HIVEP2: variants seen among roughly 807,000 people sequenced by gnomAD.
HIVEP2 encodes the protein transcription factor HIVEP2.
Under a neutral mutation model 180.7 loss-of-function variants are expected in HIVEP2, and 14 were observed. The observed-to-expected ratio is 0.08, with a 90% CI of 0.05 to 0.12. The LOEUF (loss-of-function observed/expected upper bound fraction) is 0.12, where lower values mean the gene tolerates loss of function less well. Among genes scored for constraint, HIVEP2 ranks in the 10% least tolerant of loss-of-function variants. HIVEP2 has a pLI of 1.00. For synonymous variants in HIVEP2, 1,184 were observed against 1,136.4 expected (o/e 1.04, Z -0.84); for missense variants, 2,579 against 3,008.5 (o/e 0.86, Z 3.34).
chr6:142,764,150 A>T (rs937899175), intron 7 of HIVEP2, among the ~76,000 whole-genome samples: 1 of 152,202 alleles, frequency 6.6e-6, no homozygotes, highest in Admixed American at 6.5e-5. Context: ...AAAAATAAAA[A>T]TATAACCGAA....
Position 142,806,873 on chromosome 6 carries a change from A to G in HIVEP2, c.-527-23258T>C, listed in dbSNP as rs145890782. Among the ~76,000 whole-genome samples, 216 of 152,140 alleles carry G rather than the reference A, an allele frequency of 1.4e-3. 1 individual carries two copies. In the Middle Eastern group the frequency reaches 0.034, roughly 24 times the overall value. ...AGATGAGGCTTCTAGTGGTTAAGTA[A>G]CTGTCCAGGATCCACGGTCCCTCTG... On this transcript the variant is annotated intron_variant, in intron 2 of 9. Transcript: ENST00000367603.
chr6:142,764,121 A>G (rs1317911342), intron 7 of HIVEP2, among the ~76,000 whole-genome samples: 2 of 152,198 alleles, frequency 1.3e-5, no homozygotes, highest in Admixed American at 6.5e-5. Context: ...AGACTTATGA[A>G]CATTTTCATA....
chr6:142,858,465 A>G (rs1055147876), intron 1 of HIVEP2, among the ~76,000 whole-genome samples: 6 of 152,188 alleles, frequency 3.9e-5, no homozygotes, highest in Admixed American at 2.6e-4. Context: ...CCAGTATCCT[A>G]AACAGTGCCT....
At chr6:142,852,914 T>A (rs761599830) in intron 1 of HIVEP2, among the ~76,000 whole-genome samples, 1 of 152,242 alleles carries the variant, frequency 6.6e-6, no homozygotes, top group Non-Finnish European at 1.5e-5. Context: ...AAATTTGATA[T>A]AAATATTTGT....
chr6:142,798,305 G>A (rs1252675232), intron 2 of HIVEP2, among the ~76,000 whole-genome samples: 3 of 151,900 alleles, frequency 2.0e-5, no homozygotes, highest in African/African-American at 2.4e-5. Flanking sequence ...AAAAGAAACC[G>A]GCTCCTCAAG....
At chr6:142,775,154 G>T in intron 4 of HIVEP2, 29 bp from the exon 5 acceptor site, 10 of 748,914 alleles carry the variant, frequency 1.3e-5, no homozygotes, top group Non-Finnish European at 1.4e-5. Context: ...CAAAGAGATT[G>T]TCATAACAGT....
Position 142,772,866 on chromosome 6 carries a change from C to T in HIVEP2, c.1873G>A (p.Glu625Lys). 1 of 1,614,186 alleles carries T rather than the reference C, an allele frequency of 6.2e-7. No individual in the cohort carries two copies. The highest frequency in any genetic ancestry group is 8.5e-7 in the Non-Finnish European group (1 of 1,180,040). ...CTGTCCCCAGGAGACAATTTCTTTT[C>T]CTTCAGGGATGAACTGCTGATACCC... Reference protein sequence around the residue: ...LKGISSSSLKEKKLSPGDRVG... With the variant: ...LKGISSSSLKKKKLSPGDRVG... Residue 625 changes from glutamate to lysine, a missense_variant, in exon 5 of 10, where the codon GAA (glutamate) becomes AAA (lysine). Glu to Lys is a moderately conservative substitution (Grantham distance 56, BLOSUM62 1). This residue lies in a region of HIVEP2 where 524 missense variants were observed against 563.6 expected (regional missense o/e 0.93). Transcript: ENST00000367603. This position sits in a 1 kb window ranked among gnomAD's most constrained non-coding sequence, Gnocchi z 4.9.
intron 3 of HIVEP2, among the ~76,000 whole-genome samples, chr6:142,779,061 T>C (rs1052098121): frequency 5.3e-5 from 8 of 152,194 alleles, no homozygotes; most frequent in Admixed American, 5.2e-4. Context: ...TAATAAAGTC[T>C]CATGCCAGAC....
chr6:142,813,793 T>A lies in HIVEP2; in HGVS notation c.-528+23142A>T, dbSNP rs1331550804. Among the ~76,000 whole-genome samples, 3 of 151,890 alleles carry A rather than the reference T, an allele frequency of 2.0e-5. No homozygotes were observed. The South Asian group carries it at 6.2e-4, about 32-fold the overall frequency. On this transcript the variant is annotated intron_variant, in intron 2 of 9. Transcript: ENST00000367603. ...TATTGCCCGGGCTGGTCTCGACTCC[T>A]GGACTCAAAGGATCCTTCTGCCTCA...
At chr6:142,852,566 T>C (rs1348968160) in intron 1 of HIVEP2, among the ~76,000 whole-genome samples, 1 of 152,174 alleles carries the variant, frequency 6.6e-6, no homozygotes, top group Non-Finnish European at 1.5e-5. Flanking sequence ...ATCCCTCCTA[T>C]CATGACCTGA....
intron 1 of HIVEP2, among the ~76,000 whole-genome samples, chr6:142,897,908 G>T (rs1777039006): frequency 6.6e-6 from 1 of 152,122 alleles, no homozygotes; most frequent in African/African-American, 2.4e-5. Flanking sequence ...AGATCCTGAG[G>T]CCAGGGACTA....
intron 6 of HIVEP2, among the ~76,000 whole-genome samples, chr6:142,767,537 T>A (rs1198300864): frequency 6.6e-6 from 1 of 152,220 alleles, no homozygotes; most frequent in Non-Finnish European, 1.5e-5. Flanking sequence ...CATGAAGATA[T>A]GTAAATAATA....
At chr6:142,761,388 T>C in intron 8 of HIVEP2, 76 bp downstream of exon 8, 1 of 707,126 alleles carries the variant, frequency 1.4e-6, no homozygotes, top group African/African-American at 1.8e-5. Flanking sequence ...ATATCTAAAC[T>C]TATTTTACTA....
At chr6:142,780,519 A>G (rs1775830789) in intron 3 of HIVEP2, among the ~76,000 whole-genome samples, 1 of 152,202 alleles carries the variant, frequency 6.6e-6, no homozygotes, top group South Asian at 2.1e-4. Flanking sequence ...AGTTTCTGAG[A>G]CATATAAAGA....
chr6:142,754,973 C>A (rs997986600), intron 9 of HIVEP2, among the ~76,000 whole-genome samples: 4 of 152,136 alleles, frequency 2.6e-5, no homozygotes, highest in African/African-American at 9.7e-5. Flanking sequence ...AAAAGGACTT[C>A]ATTTATTTTT....
At chr6:142,777,037 G>C (rs1412758003) in intron 3 of HIVEP2, among the ~76,000 whole-genome samples, 11 of 152,136 alleles carry the variant, frequency 7.2e-5, no homozygotes. Context: ...GAGGTACCCA[G>C]AGGATTCTGA....
chr6:142,834,639 T>A (rs1775178402), intron 2 of HIVEP2, among the ~76,000 whole-genome samples: 1 of 152,132 alleles, frequency 6.6e-6, no homozygotes, highest in African/African-American at 2.4e-5. Context: ...TGCCAGGACA[T>A]GCAAAGCAAT....
rs1774945116 is a variant in HIVEP2, at chr6:142,752,424, CAA to C, written c.*681_*682del. 1 of 152,518 alleles carries C rather than the reference CAA, an allele frequency of 6.6e-6. No homozygotes were observed. The highest frequency in any genetic ancestry group is 6.5e-5 in the Admixed American group (1 of 15,270). The allele number at this position is 152,518 out of a possible 1,614,324, so 9.4% of individuals were successfully genotyped here. ...AGCAAACAAGAGACAAAAAAATATA[CAA>C]GAGTTAAGAACTGACTGATACATCC... On this transcript the variant is annotated 3_prime_UTR_variant, in exon 10 of 10. Transcript: ENST00000367603.
At position 142,794,715 on chromosome 6, in the gene HIVEP2, G is replaced by A. The variant is rs141155206; in HGVS notation, c.-527-11100C>T. ...TGGACATGGATAACTTACACCGGCA[G>A]ATCCTACACACAAATCCTGTGCAGT... is the stretch of plus-strand genomic sequence containing the variant. On this transcript the variant is annotated intron_variant, in intron 2 of 9. Coordinates refer to ENST00000367603, the MANE Select transcript of HIVEP2 (RefSeq NM_006734.4). Among the ~76,000 whole-genome samples, 33 of 152,280 alleles carry A rather than the reference G, an allele frequency of 2.2e-4. 1 individual carries two copies. The East Asian group carries it at 6.2e-3, about 29-fold the overall frequency.
Sources: allele counts gnomAD v4.1 joint callset (sites outside exome capture counted in the v4.1 genomes callset), GRCh38; gene constraint gnomAD v4.1.1; regional missense constraint gnomAD v4.1.1; non-coding constraint Gnocchi (gnomAD v3.1); transcripts MANE v1.5; gene names NCBI Gene and HGNC (gene_info 2026-07-23, HGNC 2026-07-21).